The following ERC2 variants were observed in gnomAD, a reference collection of about 807,000 sequenced individuals.
ERC2 encodes the protein ELKS/RAB6-interacting/CAST family member 2.
In ERC2, 42 loss-of-function variants were observed where a neutral mutation model predicts 114.8. The ratio of observed to expected loss-of-function variants is 0.37; its 90% CI spans 0.29 to 0.47. The LOEUF is 0.47. Among genes scored for constraint, ERC2 ranks in the 20% least tolerant of loss-of-function variants. ERC2 has a pLI of 0.99. For missense variants in ERC2, 939 were observed against 1,150.7 expected (o/e 0.82, Z 2.66); for synonymous variants, 454 against 425.5 (o/e 1.07, Z -0.82).
At chr3:55,746,384 C>T (rs2066305107) in intron 14 of ERC2, among the ~76,000 whole-genome samples, 1 of 152,098 alleles carries the variant, frequency 6.6e-6, no homozygotes, top group African/African-American at 2.4e-5. Context: ...CAGGCATGCA[C>T]CACCATGCCC....
At chr3:55,589,748 T>G (rs1302934592) in intron 17 of ERC2, among the ~76,000 whole-genome samples, 3 of 151,976 alleles carry the variant, frequency 2.0e-5, no homozygotes, top group Admixed American at 2.0e-4. Context: ...ACAGGGCTCA[T>G]GATTCTCAGG....
In ERC2 at chr3:56,225,933, T is replaced by C. The variant is rs554464988; in HGVS notation, c.1075-52413A>G. 5.6e-4 allele frequency among the ~76,000 whole-genome samples: 86 copies of C among 152,290 alleles called. No homozygotes were observed. The Middle Eastern group carries it at 0.014, about 24-fold the overall frequency. On this transcript the variant is annotated intron_variant, in intron 3 of 17. Transcript: ENST00000288221. ...CTTCACATCCTCAGAACCAACAATCTGCCTTCCTAAGCACTAGCATTTATG... is the reference window on the plus strand; with the variant it reads ...CTTCACATCCTCAGAACCAACAATCCGCCTTCCTAAGCACTAGCATTTATG...
chr3:56,103,612 G>A (rs1009344199), intron 6 of ERC2, among the ~76,000 whole-genome samples: 7 of 152,110 alleles, frequency 4.6e-5, no homozygotes, highest in African/African-American at 1.7e-4. Flanking sequence ...CAATAGGGAG[G>A]CAGGAGAGTG....
At chr3:56,131,525 G>C (rs1432463682) in intron 6 of ERC2, among the ~76,000 whole-genome samples, 1 of 152,052 alleles carries the variant, frequency 6.6e-6, no homozygotes, top group East Asian at 1.9e-4. Flanking sequence ...TGACTATGAA[G>C]GGCATTAAAC....
At chr3:56,357,984 G>T (rs2058809161) in intron 2 of ERC2, among the ~76,000 whole-genome samples, 1 of 151,366 alleles carries the variant, frequency 6.6e-6, no homozygotes, top group Non-Finnish European at 1.5e-5. Flanking sequence ...TGCCCTAATT[G>T]TGCAAATAAT....
intron 17 of ERC2, among the ~76,000 whole-genome samples, chr3:55,555,192 C>G (rs1321203770): frequency 1.3e-5 from 2 of 152,226 alleles, no homozygotes; most frequent in African/African-American, 4.8e-5. Context: ...AAACCCTAAA[C>G]CTTTCAACTC....
At chr3:56,393,786 T>C (rs955917720) in intron 2 of ERC2, among the ~76,000 whole-genome samples, 1 of 152,172 alleles carries the variant, frequency 6.6e-6, no homozygotes, top group African/African-American at 2.4e-5. Context: ...GCCAGCTGAC[T>C]GAAAGCCAGG....
intron 14 of ERC2, among the ~76,000 whole-genome samples, chr3:55,749,129 G>T (rs899470659): frequency 4.6e-5 from 7 of 152,148 alleles, no homozygotes; most frequent in African/African-American, 1.4e-4. Context: ...GGGGGAAGGA[G>T]GCCTAGGAAC....
At chr3:56,421,724 C>T (rs534665784) in intron 2 of ERC2, among the ~76,000 whole-genome samples, 1 of 152,292 alleles carries the variant, frequency 6.6e-6, no homozygotes, top group South Asian at 2.1e-4. Flanking sequence ...TGATATTCCT[C>T]ATCATCTTCC....
intron 17 of ERC2, among the ~76,000 whole-genome samples, chr3:55,512,312 G>A (rs1559576798): frequency 6.6e-6 from 1 of 152,174 alleles, no homozygotes; most frequent in Non-Finnish European, 1.5e-5. Flanking sequence ...TAACCCTTCT[G>A]GTTAAGAAAC....
At chr3:56,342,009 T>C (rs1182927447) in intron 2 of ERC2, among the ~76,000 whole-genome samples, 1 of 152,204 alleles carries the variant, frequency 6.6e-6, no homozygotes, top group Non-Finnish European at 1.5e-5. Context: ...GTGGTCCTAT[T>C]ACCAATGATC....
chr3:56,231,373 C>G (rs573429314), intron 3 of ERC2, among the ~76,000 whole-genome samples: 3 of 152,226 alleles, frequency 2.0e-5, no homozygotes, highest in Non-Finnish European at 4.4e-5. Context: ...AAGCCTTTCA[C>G]CTGTGTACAC....
intron 15 of ERC2, among the ~76,000 whole-genome samples, chr3:55,709,474 A>G (rs978639496): frequency 2.0e-5 from 3 of 152,178 alleles, no homozygotes. Flanking sequence ...TTGAGACACC[A>G]CCATCAGAAG....
intron 3 of ERC2, among the ~76,000 whole-genome samples, chr3:56,175,529 G>A (rs1242492863): frequency 6.6e-6 from 1 of 152,158 alleles, no homozygotes. Context: ...CCTAAAGGCA[G>A]CTGTCCTTTA....
In ERC2 at chr3:56,194,235, C is replaced by T. The variant is rs546666672; in HGVS notation, c.1075-20715G>A. On this transcript the variant is annotated intron_variant, in intron 3 of 17. Transcript: ENST00000288221. ...TGAGTTGAATAGTGCCCCCTCCTCC[C>T]GCCACCACCCCACAAAAGAAGATCT... is the stretch of plus-strand genomic sequence containing the variant. Among the ~76,000 whole-genome samples, 8 of 152,150 alleles carry T rather than the reference C, an allele frequency of 5.3e-5. No individual in the cohort carries two copies. In the Middle Eastern group the frequency reaches 0.014, roughly 259 times the overall value.
At chr3:56,047,170 G>A (rs142544034) in intron 7 of ERC2, among the ~76,000 whole-genome samples, 1 of 152,230 alleles carries the variant, frequency 6.6e-6, no homozygotes, top group Non-Finnish European at 1.5e-5. Context: ...TTAAGATCCA[G>A]AATGTGTTTT....
intron 15 of ERC2, among the ~76,000 whole-genome samples, chr3:55,729,350 C>G (rs1409832374): frequency 5.9e-5 from 9 of 152,100 alleles, no homozygotes; most frequent in Non-Finnish European, 2.9e-5. Context: ...ATTCCCTCAC[C>G]ACCTTCAAGT....
intron 17 of ERC2, among the ~76,000 whole-genome samples, chr3:55,641,723 C>A (rs1260745951): frequency 6.6e-6 from 1 of 152,138 alleles, no homozygotes; most frequent in Non-Finnish European, 1.5e-5. Context: ...ATGCCTCTCT[C>A]CTTTTCCTTC....
intron 3 of ERC2, among the ~76,000 whole-genome samples, chr3:56,250,108 C>T (rs962649800): frequency 4.6e-5 from 7 of 151,506 alleles, no homozygotes; most frequent in African/African-American, 9.7e-5. Context: ...CACCTGCCTC[C>T]GCCTCCCAAA....
Sources: allele counts gnomAD v4.1 joint callset (sites outside exome capture counted in the v4.1 genomes callset), GRCh38; gene constraint gnomAD v4.1.1; transcripts MANE v1.5; gene names NCBI Gene and HGNC (gene_info 2026-07-23, HGNC 2026-07-21).